The following DENND1A variants were observed in gnomAD, a reference collection of about 807,000 sequenced individuals.
DENND1A encodes the protein DENN domain containing 1A, also known as DENN domain-containing protein 1A.
A neutral mutation model predicts 113.7 loss-of-function variants in DENND1A; 51 were observed. That is an observed-to-expected ratio of 0.45 (90% CI 0.36 to 0.57). The LOEUF (loss-of-function observed/expected upper bound fraction) is 0.57. Among genes scored for constraint, DENND1A ranks in the 20% least tolerant of loss-of-function variants. DENND1A has a pLI of 0.00. For missense variants in DENND1A, 1,258 were observed against 1,395.9 expected, an observed-to-expected ratio of 0.90 and a Z score of 1.57; for synonymous variants, 565 against 570.8, an observed-to-expected ratio of 0.99 and a Z score of 0.14.
chr9:123,655,423 C>T (rs916851516), intron 8 of DENND1A, among the ~76,000 whole-genome samples: 1 of 152,110 alleles, frequency 6.6e-6, no homozygotes, highest in African/African-American at 2.4e-5. Context: ...AAGAACGTAG[C>T]ATGTGACTCC....
chr9:123,402,736 GC>G, intron 21 of DENND1A: 2 of 415,904 alleles, frequency 4.8e-6, no homozygotes, highest in Non-Finnish European at 9.8e-6. Flanking sequence ...TGGACTCGGG[GC>G]TATCTGCAGC....
At chr9:123,450,046 A>G (rs2132649778) in intron 18 of DENND1A, among the ~76,000 whole-genome samples, 1 of 137,060 alleles carries the variant, frequency 7.3e-6, no homozygotes, top group Non-Finnish European at 1.7e-5. Flanking sequence ...AAAAAAAGAA[A>G]AAAAAAAAAA....
chr9:123,631,812 A>C (rs1420401495), intron 9 of DENND1A, among the ~76,000 whole-genome samples: 1 of 152,210 alleles, frequency 6.6e-6, no homozygotes, highest in African/African-American at 2.4e-5. Context: ...TGCAATTAAA[A>C]ATTTAGGAAA....
At chr9:123,402,494 A>G (rs2043563916) in intron 21 of DENND1A, 1 of 534,604 alleles carries the variant, frequency 1.9e-6, no homozygotes, top group African/African-American at 1.9e-5. Flanking sequence ...CCATTTTCTG[A>G]GAGCCAGACA....
At chr9:123,761,213 C>G (rs2071011860) in intron 4 of DENND1A, among the ~76,000 whole-genome samples, 1 of 152,190 alleles carries the variant, frequency 6.6e-6, no homozygotes, top group African/African-American at 2.4e-5. Context: ...CAAATCCCAA[C>G]TCAATCACTG....
chr9:123,420,285 G>A (rs2045146163), intron 19 of DENND1A, among the ~76,000 whole-genome samples: 1 of 152,214 alleles, frequency 6.6e-6, no homozygotes, highest in South Asian at 2.1e-4. Context: ...GACAGGGAAA[G>A]GGAAGCCCCT....
chr9:123,676,543 G>T (rs577287359), intron 6 of DENND1A, among the ~76,000 whole-genome samples, 177 bp downstream of exon 6: 1 of 152,304 alleles, frequency 6.6e-6, no homozygotes, highest in South Asian at 2.1e-4. Flanking sequence ...TTTTAGGGAA[G>T]GGAGTGGGGC....
intron 5 of DENND1A, among the ~76,000 whole-genome samples, chr9:123,736,038 G>A (rs906117164): frequency 6.6e-6 from 1 of 152,106 alleles, no homozygotes; most frequent in African/African-American, 2.4e-5. Flanking sequence ...ACTGAAGCTA[G>A]CTAGTTAGAC....
chr9:123,924,583 G>A (rs1006075549), intron 1 of DENND1A, among the ~76,000 whole-genome samples: 6 of 151,682 alleles, frequency 4.0e-5, no homozygotes, highest in East Asian at 3.9e-4. Context: ...CCCAGGAGGC[G>A]GAGGTAGCAG....
chr9:123,849,813 A>G (rs1441211953), intron 2 of DENND1A, among the ~76,000 whole-genome samples: 1 of 152,234 alleles, frequency 6.6e-6, no homozygotes, highest in Non-Finnish European at 1.5e-5. Context: ...AGAGTTTGGA[A>G]GAAGCTGATT....
chr9:123,463,912 A>AAT (rs1360529198), intron 13 of DENND1A, among the ~76,000 whole-genome samples: 59 of 150,918 alleles, frequency 3.9e-4, no homozygotes, highest in Middle Eastern at 3.4e-3. Flanking sequence ...CCAGCTCAAA[A>AAT]AAAAAAAAAA....
intron 5 of DENND1A, among the ~76,000 whole-genome samples, chr9:123,687,304 T>G (rs1429535801): frequency 1.3e-5 from 2 of 152,220 alleles, no homozygotes; most frequent in African/African-American, 4.8e-5. Context: ...CATATGCAAC[T>G]TGAGACACAC....
chr9:123,448,177 G>A (rs1269860079), intron 18 of DENND1A, among the ~76,000 whole-genome samples: 2 of 152,180 alleles, frequency 1.3e-5, no homozygotes, highest in Non-Finnish European at 2.9e-5. Context: ...GGGAAGGGAA[G>A]GGGAGGGAGA....
chr9:123,414,375 T>C, intron 19 of DENND1A: 2 of 1,427,704 alleles, frequency 1.4e-6, no homozygotes, highest in Non-Finnish European at 1.8e-6. Context: ...ATCGCCTACA[T>C]TTGTTTCCAG....
chr9:123,784,913 T>C (rs182483202), intron 3 of DENND1A, among the ~76,000 whole-genome samples: 12 of 152,328 alleles, frequency 7.9e-5, no homozygotes, highest in Admixed American at 5.9e-4. Flanking sequence ...AATTTTTCAA[T>C]TGAGTTTGGC....
intron 3 of DENND1A, among the ~76,000 whole-genome samples, chr9:123,775,389 A>C (rs7044210): frequency 0.2 from 29,946 of 152,054 alleles, 4,088 homozygotes; most frequent in African/African-American, 0.39. Flanking sequence ...TGTTATCAAT[A>C]TTTCTGAAAG....
chr9:123,438,544 G>A (rs986200227), intron 19 of DENND1A, among the ~76,000 whole-genome samples: 1 of 152,106 alleles, frequency 6.6e-6, no homozygotes, highest in African/African-American at 2.4e-5. Context: ...GGGAGAGCCC[G>A]CTGCATGGCT....
At chr9:123,706,591 G>A (rs1446088524) in intron 5 of DENND1A, among the ~76,000 whole-genome samples, 4 of 151,148 alleles carry the variant, frequency 2.6e-5, no homozygotes, top group South Asian at 2.1e-4. Flanking sequence ...CTAACACAGC[G>A]AAACCCGGTC....
At chr9:123,716,224 C>T (rs2066968220) in intron 5 of DENND1A, among the ~76,000 whole-genome samples, 1 of 152,196 alleles carries the variant, frequency 6.6e-6, no homozygotes, top group Non-Finnish European at 1.5e-5. Flanking sequence ...TTTCAGTTAG[C>T]ATCTTCACAG....
Sources: gnomAD v4.1 joint callset for allele counts (sites outside exome capture counted in the v4.1 genomes callset) on GRCh38, gnomAD v4.1.1 for gene constraint, MANE v1.5 for transcripts, NCBI Gene and HGNC (gene_info 2026-07-23, HGNC 2026-07-21) for gene names.